ANKRD12: variants seen among roughly 807,000 people sequenced by gnomAD.
ANKRD12 encodes ankyrin repeat domain 12.
A neutral mutation model predicts 183.4 loss-of-function variants in ANKRD12; 85 were observed. The ratio of observed to expected loss-of-function variants is 0.46; its 90% CI spans 0.39 to 0.56. The LOEUF is 0.56. Ranked by LOEUF, ANKRD12 falls within the 20% of genes least tolerant of loss-of-function variation. ANKRD12 has a pLI of 0.00. For synonymous variants in ANKRD12, 914 were observed against 800.2 expected, an observed-to-expected ratio of 1.14 and a Z score of -2.40; for missense variants, 2,405 against 2,357.1, an observed-to-expected ratio of 1.02 and a Z score of -0.42.
intron 2 of ANKRD12, among the ~76,000 whole-genome samples, chr18:9,191,558 T>C (rs2034456601): frequency 6.6e-6 from 1 of 152,226 alleles, no homozygotes; most frequent in Non-Finnish European, 1.5e-5. Flanking sequence ...AAATGATTCT[T>C]AAATCTTTTA....
At chr18:9,279,688 C>CT in intron 12 of ANKRD12, 44 bp downstream of exon 12, 2 of 920,802 alleles carry the variant, frequency 2.2e-6, no homozygotes, top group Non-Finnish European at 3.3e-6. Context: ...CTTCCCCCTT[C>CT]TTAAAAAAAA....
rs1471348069 is a variant in ANKRD12 at position 9,258,410 on chromosome 18, A to T, written c.5143A>T (p.Lys1715Ter). ...AATGCATAAATATGGTCAGTTAGTT[A>T]AAGTAGAATTAGAAGAAAATGCCGA... ...PEMHKYGQLVKVELEENAEDD... is the reference protein window; with the variant it reads ...PEMHKYGQLV Residue 1715 changes from lysine (K) to a stop codon, truncating the protein, a stop_gained, in exon 9 of 13, where the codon AAA (lysine) becomes TAA (stop). Transcript: ENST00000262126. LOFTEE classifies it high-confidence loss of function. The T allele has an allele frequency of 6.2e-7, 1 of 1,613,870 alleles. No homozygotes were observed.
intron 9 of ANKRD12, among the ~76,000 whole-genome samples, chr18:9,261,638 TGAC>T (rs1333034327): frequency 1.1e-4 from 16 of 152,336 alleles, no homozygotes; most frequent in African/African-American, 2.9e-4. Flanking sequence ...TGTGAAATGA[TGAC>T]GACGAGAGTA....
chr18:9,226,878 C>T (rs1474632035), intron 8 of ANKRD12, among the ~76,000 whole-genome samples: 2 of 151,966 alleles, frequency 1.3e-5, no homozygotes, highest in East Asian at 1.9e-4. Context: ...TGGGAATTTT[C>T]GTAAGAAACC....
intron 8 of ANKRD12, among the ~76,000 whole-genome samples, chr18:9,230,220 A>C (rs1168468712): frequency 1.3e-5 from 2 of 152,110 alleles, no homozygotes; most frequent in Non-Finnish European, 2.9e-5. Flanking sequence ...GGCAGGTTGT[A>C]TATTTCCAGG....
chr18:9,197,060 T>C (rs746103748), intron 3 of ANKRD12, among the ~76,000 whole-genome samples: 1 of 152,160 alleles, frequency 6.6e-6, no homozygotes, highest in Non-Finnish European at 1.5e-5. Flanking sequence ...GTTCGAAAAA[T>C]GGATTTTGAT....
At position 9,284,617 on chromosome 18, in the gene ANKRD12, C is replaced by G. The variant is rs910365944; in HGVS notation, c.*3491C>G. ...GTGGTTAAAATATCTTGTAATTCATCATTATTTAAGTGACTTCTTGGGAGC... is the reference window on the plus strand; with the variant it reads ...GTGGTTAAAATATCTTGTAATTCATGATTATTTAAGTGACTTCTTGGGAGC... On this transcript the variant is annotated 3_prime_UTR_variant, in exon 13 of 13. Coordinates refer to ENST00000262126, the MANE Select transcript of ANKRD12 (RefSeq NM_015208.5). The G allele has an allele frequency of 6.6e-6, 1 of 151,962 alleles. No homozygotes were observed. The highest frequency in any genetic ancestry group is 1.5e-5 in the Non-Finnish European group (1 of 68,002). The allele number at this position is 151,962 out of a possible 1,614,324, so 9.4% of individuals were successfully genotyped here.
At position 9,164,204 on chromosome 18, in the gene ANKRD12, TAGTTTATTGAG is replaced by T. The variant is rs2031783457; in HGVS notation, c.-51-18172_-51-18162del. Reference sequence around the variant, plus strand: ...TTTTGTGGTATGTTCCTTCAGTCCCTAGTTTATTGAGAGTTTTTAACATGAAGGGATGTTGA... The same window carrying T: ...TTTTGTGGTATGTTCCTTCAGTCCCTAGTTTTTAACATGAAGGGATGTTGA... On this transcript the variant is annotated intron_variant, in intron 1 of 12. Transcript: ENST00000262126. Among the ~76,000 whole-genome samples, 5 of 152,198 alleles carry T rather than the reference TAGTTTATTGAG, an allele frequency of 3.3e-5. No individual in the cohort carries two copies. In the South Asian group the frequency reaches 1.0e-3, roughly 31 times the overall value.
chr18:9,140,879 T>G (rs1231842864), intron 1 of ANKRD12, among the ~76,000 whole-genome samples: 3 of 152,204 alleles, frequency 2.0e-5, no homozygotes, highest in Non-Finnish European at 2.9e-5. Flanking sequence ...TATGCAAATT[T>G]GTGTTTTAAG....
chr18:9,232,090 T>G (rs2037087202), intron 8 of ANKRD12, among the ~76,000 whole-genome samples: 1 of 152,228 alleles, frequency 6.6e-6, no homozygotes, highest in Non-Finnish European at 1.5e-5. Context: ...TATTGTTGTT[T>G]TCAGGTTATT....
chr18:9,255,603 C>G lies in ANKRD12; in HGVS notation c.2336C>G (p.Thr779Arg). ...DLKEERENIP[T>R]DKDSEFTSLG... ...AAAGAAGAGAGAGAAAACATACCCACAGATAAAGACTCAGAATTTACTTCT... is the reference window on the plus strand; with the variant it reads ...AAAGAAGAGAGAGAAAACATACCCAGAGATAAAGACTCAGAATTTACTTCT... Residue 779 changes from threonine to arginine, a missense_variant, in exon 9 of 13, where the codon ACA becomes AGA. By Grantham distance (71) the Thr-to-Arg change is moderately conservative. Transcript: ENST00000262126. The G allele has an allele frequency of 6.4e-7, 1 of 1,567,054 alleles. No homozygotes were observed. The highest frequency in any genetic ancestry group is 8.6e-7 in the Non-Finnish European group (1 of 1,167,094).
Position 9,173,342 on chromosome 18 carries a change from T to G in ANKRD12, c.-51-9040T>G, listed in dbSNP as rs184564061. On this transcript the variant is annotated intron_variant, in intron 1 of 12. Transcript: ENST00000262126. ...TCCTCGGCCTCCCAAAGTCTGAGAT[T>G]ACAGGCATGAGCCACCACGCCTGGC... Among the ~76,000 whole-genome samples the G allele has an allele frequency of 6.3e-3, 955 of 152,338 alleles. 10 individuals are homozygous for G. Among genetic ancestry groups the G allele is most frequent in the African/African-American group, 0.022 (896 of 41,590 alleles).
rs144339569 is a variant in ANKRD12 at position 9,238,487 on chromosome 18, G to A, written c.944-15724G>A. On this transcript the variant is annotated intron_variant, in intron 8 of 12. Transcript: ENST00000262126. ...TACCCCCACCATTACACTCCTCTTC[G>A]TGTTCTATCTTAATTAGTGTAACAT... Among the ~76,000 whole-genome samples the A allele has an allele frequency of 1.1e-3, 173 of 152,084 alleles. 1 individual carries two copies. The East Asian group carries it at 0.029, about 25-fold the overall frequency.
intron 8 of ANKRD12, chr18:9,239,524 A>AAAGTCCCTC: frequency 1.6e-6 from 2 of 1,287,806 alleles, no homozygotes; most frequent in Non-Finnish European, 1.0e-6. Flanking sequence ...TTGCTTGGTC[A>AAAGTCCCTC]AAGTCCCTCA....
intron 2 of ANKRD12, among the ~76,000 whole-genome samples, chr18:9,186,071 T>C (rs1236042907): frequency 2.0e-5 from 3 of 152,218 alleles, no homozygotes; most frequent in African/African-American, 7.2e-5. Context: ...CTATGTACTT[T>C]TCATGTATCT....
chr18:9,143,348 C>A (rs2078384401), intron 1 of ANKRD12, among the ~76,000 whole-genome samples: 1 of 152,186 alleles, frequency 6.6e-6, no homozygotes, highest in Non-Finnish European at 1.5e-5. Flanking sequence ...CAGTCCAATT[C>A]ACTAATATAT....
chr18:9,259,018 A>G (rs1213092113), intron 9 of ANKRD12, 87 bp downstream of exon 9: 2 of 1,411,240 alleles, frequency 1.4e-6, no homozygotes, highest in African/African-American at 2.9e-5. Flanking sequence ...GAAGTTTTCT[A>G]GTAGATAGAT....
intron 8 of ANKRD12, among the ~76,000 whole-genome samples, chr18:9,242,449 A>G (rs1486766954): frequency 3.2e-5 from 4 of 124,204 alleles, no homozygotes; most frequent in East Asian, 2.4e-4. Context: ...GCTTAAAAAT[A>G]TTATATATGC....
At position 9,283,051 on chromosome 18, in the gene ANKRD12, A is replaced by T. The variant is rs1023509685; in HGVS notation, c.*1925A>T. 3 of 152,626 alleles carry T rather than the reference A, an allele frequency of 2.0e-5. No homozygotes were observed. Among genetic ancestry groups the T allele is most frequent in the Non-Finnish European group, 4.4e-5 (3 of 68,006 alleles). The allele number at this position is 152,626 out of a possible 1,614,324, so 9.5% of individuals were successfully genotyped here. A position where few individuals can be genotyped will look rare whatever the true frequency, so the allele number is the denominator to read the frequency against. ...ACATTAAAAGCTAATTTATAAAAGCAATACTTTTTAATATGAAAACTTACT... is the reference window on the plus strand; with the variant it reads ...ACATTAAAAGCTAATTTATAAAAGCTATACTTTTTAATATGAAAACTTACT... On this transcript the variant is annotated 3_prime_UTR_variant, in exon 13 of 13. Coordinates refer to ENST00000262126, the MANE Select transcript of ANKRD12 (RefSeq NM_015208.5).
Sources: allele counts gnomAD v4.1 joint callset (sites outside exome capture counted in the v4.1 genomes callset), GRCh38; gene constraint gnomAD v4.1.1; transcripts MANE v1.5; gene names NCBI Gene and HGNC (gene_info 2026-07-23, HGNC 2026-07-21).